The following DYRK1A variants were observed in gnomAD, a reference collection of about 807,000 sequenced individuals.
The protein encoded by DYRK1A is dual specificity tyrosine phosphorylation regulated kinase 1A, also known as dual specificity tyrosine-phosphorylation-regulated kinase 1A.
In DYRK1A, 9 loss-of-function variants were observed where a neutral mutation model predicts 79.7. The ratio of observed to expected loss-of-function variants is 0.11; its 90% CI spans 0.07 to 0.20. The LOEUF (loss-of-function observed/expected upper bound fraction) is 0.20. DYRK1A is among the 10% of genes least tolerant of loss of function. The pLI is 1.00. For synonymous variants in DYRK1A, 349 were observed against 329.7 expected (o/e 1.06, Z -0.63); for missense variants, 622 against 956.0 (o/e 0.65, Z 4.61).
intron 8 of DYRK1A, among the ~76,000 whole-genome samples, chr21:37,493,748 T>C (rs1355254443): frequency 6.6e-6 from 1 of 152,148 alleles, no homozygotes; most frequent in Admixed American, 6.5e-5. Flanking sequence ...TTCATTGTTT[T>C]AAAAACTACA....
At chr21:37,366,453 A>C (rs1186501971), upstream of DYRK1A, among the ~76,000 whole-genome samples, 1 of 147,414 alleles carries the variant, frequency 6.8e-6, no homozygotes, top group African/African-American at 2.5e-5. Context: ...GATCGCGCAC[A>C]GGCCTGGCCG....
At position 37,436,307 on chromosome 21, in the gene DYRK1A, G is replaced by A. The variant is rs539809874; in HGVS notation, c.10+15923G>A. On this transcript the variant is annotated intron_variant, in intron 2 of 11. Transcript: ENST00000647188. ...TAGGTGAGCAAAAGTAATGTTTCTG[G>A]TATTCAGTTGTCAAATGTAAGTGGT... 5.3e-5 allele frequency among the ~76,000 whole-genome samples: 8 copies of A among 152,298 alleles called. No homozygotes were observed. The South Asian group carries it at 1.2e-3, about 24-fold the overall frequency.
In DYRK1A at chr21:37,511,978, A is replaced by G. The variant is rs1601334526; in HGVS notation, c.1712A>G (p.Glu571Gly). Reference protein sequence around the residue: ...GTEAPTQVTVETHPVQETTFH... With the variant: ...GTEAPTQVTVGTHPVQETTFH... ...GAAGCTCCTACACAGGTCACTGTTG[A>G]AACTCATCCTGTTCAAGAAACAACC... The change falls in exon 12 of 12, where the codon GAA becomes GGA. Residue 571 changes from glutamate (E) to glycine (G), a missense_variant. Physicochemically the swap from Glu to Gly is moderately conservative, Grantham distance 98. Transcript: ENST00000647188. The G allele has an allele frequency of 3.7e-6, 6 of 1,614,152 alleles. No individual in the cohort carries two copies. The highest frequency in any genetic ancestry group is 5.1e-6 in the Non-Finnish European group (6 of 1,180,028).
intron 2 of DYRK1A, among the ~76,000 whole-genome samples, chr21:37,462,136 C>T (rs554918502): frequency 6.6e-6 from 1 of 152,204 alleles, no homozygotes; most frequent in South Asian, 2.1e-4. Context: ...CTGCTAACTT[C>T]ACTCTTTCTG....
At chr21:37,368,341 A>G (rs1260757694) in intron 1 of DYRK1A, among the ~76,000 whole-genome samples, 2 of 152,210 alleles carry the variant, frequency 1.3e-5, no homozygotes, top group Admixed American at 6.5e-5. Context: ...CAGTCTATTT[A>G]TAGGCACAAA....
intron 2 of DYRK1A, among the ~76,000 whole-genome samples, chr21:37,454,427 T>C (rs1037014747): frequency 1.3e-5 from 2 of 152,098 alleles, no homozygotes; most frequent in Non-Finnish European, 2.9e-5. Flanking sequence ...TTATTTGAGG[T>C]TGACACATAG....
upstream of DYRK1A, among the ~76,000 whole-genome samples, chr21:37,366,388 G>A (rs1055255643): frequency 2.8e-5 from 4 of 145,338 alleles, no homozygotes; most frequent in African/African-American, 9.9e-5. Flanking sequence ...CGCGCTCCCC[G>A]GGCCGCAGTC....
chr21:37,403,844 G>A (rs11700804), intron 1 of DYRK1A, among the ~76,000 whole-genome samples: 11,334 of 150,264 alleles, frequency 0.075, 633 homozygotes, highest in Non-Finnish European at 0.11. Flanking sequence ...TTGTTCTAAA[G>A]TCTGGTTGGT....
intron 9 of DYRK1A, among the ~76,000 whole-genome samples, chr21:37,498,138 C>T (rs2053330288): frequency 1.3e-5 from 2 of 152,038 alleles, no homozygotes; most frequent in South Asian, 4.2e-4. Flanking sequence ...TTTCAAAAGC[C>T]CCATATTAGG....
intron 1 of DYRK1A, among the ~76,000 whole-genome samples, chr21:37,389,557 T>C (rs1179994116): frequency 6.6e-6 from 1 of 152,206 alleles, no homozygotes. Context: ...ATCATAGCGT[T>C]GTCTCAGTTT....
At chr21:37,455,117 G>A (rs1019414986) in intron 2 of DYRK1A, among the ~76,000 whole-genome samples, 3 of 151,648 alleles carry the variant, frequency 2.0e-5, no homozygotes, top group Non-Finnish European at 2.9e-5. Context: ...GGGAGATGGG[G>A]GAGGGAGAGA....
At chr21:37,394,415 G>A (rs995202209) in intron 1 of DYRK1A, among the ~76,000 whole-genome samples, 6 of 151,928 alleles carry the variant, frequency 3.9e-5, no homozygotes, top group Non-Finnish European at 7.4e-5. Flanking sequence ...ATCTTGATAC[G>A]GATCATAAAT....
chr21:37,420,492 AT>A, intron 2 of DYRK1A, 108 bp downstream of exon 2: 1 of 1,081,676 alleles, frequency 9.2e-7, no homozygotes, highest in Non-Finnish European at 1.4e-6. Context: ...AGTGGGGGGA[AT>A]TGTAGATCAG....
chr21:37,385,777 C>T (rs1344218690), intron 1 of DYRK1A, among the ~76,000 whole-genome samples: 1 of 152,136 alleles, frequency 6.6e-6, no homozygotes, highest in Admixed American at 6.5e-5. Context: ...TATTACCATA[C>T]CATGTTCTTC....
chr21:37,454,257 T>C (rs1045572813), intron 2 of DYRK1A, among the ~76,000 whole-genome samples: 2 of 152,048 alleles, frequency 1.3e-5, no homozygotes, highest in African/African-American at 4.8e-5. Flanking sequence ...CATGCCTGGC[T>C]GATTTTTAAC....
Position 37,514,310 on chromosome 21 carries a change from A to G in DYRK1A, c.*1779A>G, listed in dbSNP as rs2053839869. 6.6e-6 allele frequency: 1 copy of G among 152,600 alleles called. No individual in the cohort carries two copies. Among genetic ancestry groups the G allele is most frequent in the Non-Finnish European group, 1.5e-5 (1 of 68,044 alleles). 9.5% of individuals were successfully genotyped at this position (152,600 alleles called of 1,614,324 possible). ...TGTAACACAGTCTGGCAGTTGCTAA[A>G]TTTGTGTTCCCATTTTAAATTGACC... is the stretch of plus-strand genomic sequence containing the variant. On this transcript the variant is annotated 3_prime_UTR_variant, in exon 12 of 12. Transcript: ENST00000647188.
chr21:37,451,604 T>A (rs985307291), intron 2 of DYRK1A, among the ~76,000 whole-genome samples: 1 of 151,522 alleles, frequency 6.6e-6, no homozygotes, highest in Non-Finnish European at 1.5e-5. Context: ...CCGTCTAGCG[T>A]GGGCGTGCAG....
intron 1 of DYRK1A, among the ~76,000 whole-genome samples, chr21:37,376,474 G>A (rs775223261): frequency 7.9e-5 from 12 of 152,068 alleles, no homozygotes; most frequent in South Asian, 2.1e-4. Context: ...GTGCCACTGC[G>A]ACAGAGTGAG....
At chr21:37,497,753 A>G (rs1346632087) in intron 9 of DYRK1A, among the ~76,000 whole-genome samples, 1 of 152,122 alleles carries the variant, frequency 6.6e-6, no homozygotes, top group Non-Finnish European at 1.5e-5. Context: ...ATCTATAGGT[A>G]TTACTATTTT....
Sources: allele counts gnomAD v4.1 joint callset (sites outside exome capture counted in the v4.1 genomes callset), GRCh38; gene constraint gnomAD v4.1.1; transcripts MANE v1.5; gene names NCBI Gene and HGNC (gene_info 2026-07-23, HGNC 2026-07-21).